PALLD: variants seen among roughly 807,000 people sequenced by gnomAD.
The protein encoded by PALLD is palladin, cytoskeletal associated protein.
PALLD carries 61 observed loss-of-function variants against 123.5 expected under a neutral mutation model. The ratio of observed to expected loss-of-function variants is 0.49; its 90% CI spans 0.40 to 0.61. PALLD has a LOEUF of 0.61. PALLD is among the 20% of genes least tolerant of loss of function. PALLD has a pLI of 0.00. For synonymous variants in PALLD, 465 were observed against 496.4 expected (o/e 0.94, Z 0.84); for missense variants, 1,273 against 1,377.0 (o/e 0.92, Z 1.20).
intron 1 of PALLD, among the ~76,000 whole-genome samples, chr4:168,502,923 T>C (rs545846405): frequency 6.6e-6 from 1 of 152,188 alleles, no homozygotes; most frequent in Admixed American, 6.5e-5. Flanking sequence ...GAATAACACT[T>C]AGCTGAAGAG....
chr4:168,532,492 A>C (rs970697314), intron 2 of PALLD, among the ~76,000 whole-genome samples: 1 of 151,872 alleles, frequency 6.6e-6, no homozygotes, highest in Admixed American at 6.6e-5. Flanking sequence ...CTCAAGAAAA[A>C]ACTTTAGGAG....
intron 10 of PALLD, among the ~76,000 whole-genome samples, chr4:168,747,578 G>T (rs539845272): frequency 5.3e-5 from 8 of 152,308 alleles, no homozygotes; most frequent in African/African-American, 1.7e-4. Flanking sequence ...CTCACCATAT[G>T]TAGAGAAGGC....
intron 2 of PALLD, among the ~76,000 whole-genome samples, chr4:168,582,221 T>C (rs956672284): frequency 6.6e-6 from 1 of 152,186 alleles, no homozygotes; most frequent in South Asian, 2.1e-4. Flanking sequence ...AGGTATTTTA[T>C]TGATTTTATG....
chr4:168,538,839 A>T (rs781639946), intron 2 of PALLD, among the ~76,000 whole-genome samples: 29 of 152,148 alleles, frequency 1.9e-4, no homozygotes, highest in Non-Finnish European at 2.6e-4. Flanking sequence ...ATTACCCGCG[A>T]TTGGTGTCTG....
At chr4:168,628,244 C>T in intron 2 of PALLD, among the ~76,000 whole-genome samples, 1 of 152,146 alleles carries the variant, frequency 6.6e-6, no homozygotes, top group East Asian at 1.9e-4. Context: ...AATCGTGGTG[C>T]ATTTATCCAA....
intron 21 of PALLD, 125 bp downstream of exon 21, chr4:168,925,403 A>G (rs1762384233): frequency 1.3e-6 from 1 of 768,852 alleles, no homozygotes; most frequent in Non-Finnish European, 2.3e-6. Flanking sequence ...AGGCATAACC[A>G]TGTTTTTCAC....
Position 168,681,540 on chromosome 4 carries a change from A to ATTTTTT in PALLD, c.1154+160_1154+165dup, listed in dbSNP as rs34328020. On this transcript the variant is annotated intron_variant, in intron 4 of 21. Transcript: ENST00000505667. Reference sequence around the variant, plus strand: ...GATCAAATACTGAGGTTGGAACACAATTTTTTTTTTTTTTTTTTTTTTTGA... The same window carrying ATTTTTT: ...GATCAAATACTGAGGTTGGAACACAATTTTTTTTTTTTTTTTTTTTTTTTTTTTTGA... 910 of 340,066 alleles carry ATTTTTT rather than the reference A, an allele frequency of 2.7e-3. 37 individuals carry two copies. The highest frequency in any genetic ancestry group is 0.02 in the African/African-American group (635 of 31,628). The allele number at this position is 340,066 out of a possible 1,614,324, so 21.1% of individuals were successfully genotyped here. A position where few individuals can be genotyped will look rare whatever the true frequency, so the allele number is the denominator to read the frequency against.
chr4:168,924,821 G>A (rs777733878), intron 19 of PALLD, 124 bp from the exon 20 acceptor site: 14 of 928,588 alleles, frequency 1.5e-5, no homozygotes, highest in Non-Finnish European at 2.4e-5. Context: ...TACAGAATAA[G>A]TATGACCCTA....
intron 19 of PALLD, 54 bp downstream of exon 19, chr4:168,924,474 T>C: frequency 6.8e-7 from 1 of 1,466,814 alleles, no homozygotes. Flanking sequence ...TAATGATGTA[T>C]CAAAAGATAC....
At chr4:168,843,758 C>T (rs1459859868) in intron 10 of PALLD, among the ~76,000 whole-genome samples, 1 of 152,068 alleles carries the variant, frequency 6.6e-6, no homozygotes, top group Non-Finnish European at 1.5e-5. Flanking sequence ...AGAATCCAGT[C>T]AAATGATGTC....
chr4:168,542,309 G>A (rs997921616), intron 2 of PALLD, among the ~76,000 whole-genome samples: 2 of 151,934 alleles, frequency 1.3e-5, no homozygotes, highest in African/African-American at 2.4e-5. Flanking sequence ...CCAGCTACTC[G>A]GGAGGCTGAG....
chr4:168,858,040 C>G (rs1748857009), intron 10 of PALLD, among the ~76,000 whole-genome samples: 1 of 152,166 alleles, frequency 6.6e-6, no homozygotes, highest in East Asian at 1.9e-4. Flanking sequence ...GAGGGCAGCC[C>G]CCTGCCTTGT....
At chr4:168,842,092 G>C in intron 10 of PALLD, among the ~76,000 whole-genome samples, 1 of 152,210 alleles carries the variant, frequency 6.6e-6, no homozygotes, top group African/African-American at 2.4e-5. Flanking sequence ...TTATGGGTCT[G>C]ATTCCCCTCT....
intron 10 of PALLD, among the ~76,000 whole-genome samples, chr4:168,880,151 C>CT (rs1752411014): frequency 6.6e-6 from 1 of 152,222 alleles, no homozygotes; most frequent in African/African-American, 2.4e-5. Flanking sequence ...TGATCAGTGA[C>CT]TTTGAAACCT....
intron 4 of PALLD, 59 bp from the exon 5 acceptor site, chr4:168,682,939 A>G: frequency 9.6e-7 from 1 of 1,042,724 alleles, no homozygotes; most frequent in South Asian, 1.4e-5. Flanking sequence ...TAAAAAAAAA[A>G]AACAAAAAAA....
chr4:168,891,162 T>C lies in PALLD; in HGVS notation c.2100+105T>C, dbSNP rs6827082. The C allele has an allele frequency of 0.76, 822,202 of 1,076,072 alleles. 316,617 individuals carry two copies. Among genetic ancestry groups the C allele is most frequent in the East Asian group, 0.96 (39,921 of 41,728 alleles). 66.7% of individuals were successfully genotyped at this position (1,076,072 alleles called of 1,614,324 possible). A position where few individuals can be genotyped will look rare whatever the true frequency, so the allele number is the denominator to read the frequency against. On this transcript the variant is annotated intron_variant, in intron 11 of 21. Transcript: ENST00000505667. Reference sequence around the variant, plus strand: ...TGATATTTGTCCACAACATCATCATTATTATTATTATTATTTTTGAGACAG... The same window carrying C: ...TGATATTTGTCCACAACATCATCATCATTATTATTATTATTTTTGAGACAG...
intron 10 of PALLD, among the ~76,000 whole-genome samples, chr4:168,786,243 G>A (rs550114578): frequency 3.3e-5 from 5 of 152,136 alleles, no homozygotes; most frequent in African/African-American, 9.6e-5. Context: ...CAGGAGAATC[G>A]CTTGAACCCG....
At chr4:168,498,526 G>A (rs1193809667) in intron 1 of PALLD, among the ~76,000 whole-genome samples, 1 of 152,164 alleles carries the variant, frequency 6.6e-6, no homozygotes. Context: ...ATACCAAGTG[G>A]AATCTGCAAG....
rs1785623277 is a variant in PALLD, at chr4:168,718,719, GT to G, written c.1964+6797del. Among the ~76,000 whole-genome samples the G allele has an allele frequency of 2.0e-5, 3 of 152,120 alleles. No individual in the cohort carries two copies. The East Asian group carries it at 5.8e-4, about 29-fold the overall frequency. On this transcript the variant is annotated intron_variant, in intron 10 of 21. Coordinates refer to ENST00000505667, the MANE Select transcript of PALLD (RefSeq NM_001166108.2). ...AAATATATACGTATATATAAAATGTGTATTTTTTCTTTTATTTTTAGACAAG... is the reference window on the plus strand; with the variant it reads ...AAATATATACGTATATATAAAATGTGATTTTTTCTTTTATTTTTAGACAAG...
Sources: gnomAD v4.1 joint callset for allele counts (sites outside exome capture counted in the v4.1 genomes callset) on GRCh38, gnomAD v4.1.1 for gene constraint, MANE v1.5 for transcripts, NCBI Gene and HGNC (gene_info 2026-07-23, HGNC 2026-07-21) for gene names.